The following CCDC172 variants were observed in gnomAD, a reference collection of about 807,000 sequenced individuals.
CCDC172 encodes the protein coiled-coil domain containing 172.
In CCDC172, 30 loss-of-function variants were observed where a neutral mutation model predicts 38.0. The ratio of observed to expected loss-of-function variants is 0.79; its 90% CI spans 0.59 to 1.07. The LOEUF (loss-of-function observed/expected upper bound fraction) is 1.07. Ranked by LOEUF, CCDC172 falls within the 50% of genes least tolerant of loss-of-function variation. The pLI, the probability that CCDC172 is intolerant of heterozygous loss-of-function variation, is 0.00. For missense variants in CCDC172, 297 were observed against 290.1 expected (o/e 1.02, Z -0.17); for synonymous variants, 78 against 88.3 (o/e 0.88, Z 0.66).
intron 7 of CCDC172, among the ~76,000 whole-genome samples, chr10:116,366,037 G>A (rs944679807): frequency 6.6e-6 from 1 of 152,102 alleles, no homozygotes; most frequent in South Asian, 2.1e-4. Flanking sequence ...GTTGTTAAAC[G>A]ATGTATGACT....
At chr10:116,343,531 TTA>T (rs1491258280) in intron 5 of CCDC172, among the ~76,000 whole-genome samples, 5 of 104,598 alleles carry the variant, frequency 4.8e-5, no homozygotes, top group East Asian at 5.3e-4. Context: ...TTTTTTTTTT[TTA>T]AAAAAATATA....
chr10:116,347,470 A>G (rs1188002769), intron 5 of CCDC172, among the ~76,000 whole-genome samples: 2 of 152,154 alleles, frequency 1.3e-5, no homozygotes, highest in Non-Finnish European at 2.9e-5. Context: ...CAGAAATGGG[A>G]TATCTATTAA....
intron 7 of CCDC172, 103 bp downstream of exon 7, chr10:116,358,041 G>A: frequency 1.5e-6 from 1 of 651,938 alleles, no homozygotes; most frequent in South Asian, 1.8e-5. Flanking sequence ...TGAAGTTCCA[G>A]ATGAGGACAT....
At chr10:116,351,716 G>T (rs1392452754) in intron 5 of CCDC172, among the ~76,000 whole-genome samples, 3 of 152,204 alleles carry the variant, frequency 2.0e-5, no homozygotes, top group African/African-American at 7.2e-5. Flanking sequence ...TTGAGGACAA[G>T]AGAGTACAGG....
intron 5 of CCDC172, among the ~76,000 whole-genome samples, chr10:116,348,954 G>T (rs113197431): frequency 6.6e-6 from 1 of 152,060 alleles, no homozygotes; most frequent in African/African-American, 2.4e-5. Flanking sequence ...GGTGAGTGGC[G>T]GGTGAGTGAG....
At chr10:116,357,344 G>A in intron 5 of CCDC172, 36 bp from the exon 6 acceptor site, 3 of 1,338,724 alleles carry the variant, frequency 2.2e-6, no homozygotes, top group Non-Finnish European at 3.1e-6. Context: ...TTATTTCTAA[G>A]TATTTTATTT....
intron 3 of CCDC172, among the ~76,000 whole-genome samples, chr10:116,328,825 C>T (rs1233306675): frequency 1.3e-5 from 2 of 152,022 alleles, no homozygotes; most frequent in African/African-American, 4.8e-5. Flanking sequence ...TCCTTTAGTA[C>T]TGTATTACCT....
chr10:116,342,330 A>C (rs1844806347), intron 5 of CCDC172, 129 bp downstream of exon 5: 1 of 668,558 alleles, frequency 1.5e-6, no homozygotes, highest in Non-Finnish European at 2.4e-6. Flanking sequence ...TTTTACTTTT[A>C]TTGATTTAAT....
rs1218147655 is a variant in CCDC172 at position 116,379,376 on chromosome 10, A to G, written c.*18A>G. 1.3e-6 allele frequency: 2 copies of G among 1,554,566 alleles called. No homozygotes were observed. The highest frequency in any genetic ancestry group is 8.7e-7 in the Non-Finnish European group (1 of 1,144,154). Reference sequence around the variant, plus strand: ...GCAAATAACTTACAGAGAATTGATCAGCCATCTGAGATTTGATCAGAATAT... The same window carrying G: ...GCAAATAACTTACAGAGAATTGATCGGCCATCTGAGATTTGATCAGAATAT... On this transcript the variant is annotated 3_prime_UTR_variant, in exon 9 of 9. Coordinates refer to ENST00000333254, the MANE Select transcript of CCDC172 (RefSeq NM_198515.3).
intron 7 of CCDC172, among the ~76,000 whole-genome samples, chr10:116,364,836 G>C (rs780500924): frequency 6.6e-6 from 1 of 152,170 alleles, no homozygotes; most frequent in Non-Finnish European, 1.5e-5. Flanking sequence ...ACTTTAAATA[G>C]TAGTGTGTAC....
At chr10:116,375,618 C>A (rs1008314508) in intron 7 of CCDC172, among the ~76,000 whole-genome samples, 8 of 151,954 alleles carry the variant, frequency 5.3e-5, no homozygotes, top group African/African-American at 1.9e-4. Context: ...CTGCAAAGAA[C>A]ATGAACTCAT....
chr10:116,351,211 A>G (rs1350760195), intron 5 of CCDC172, among the ~76,000 whole-genome samples: 6 of 152,114 alleles, frequency 3.9e-5, no homozygotes, highest in East Asian at 1.9e-4. Context: ...AAAATATTGT[A>G]TCTTTTTTAA....
At chr10:116,325,115 TG>T in intron 2 of CCDC172, 25 bp downstream of exon 2, 1 of 1,609,410 alleles carries the variant, frequency 6.2e-7, no homozygotes, top group Non-Finnish European at 8.5e-7. Context: ...GTCCTTTGCA[TG>T]GGGCCTTTTG....
In CCDC172 at chr10:116,327,843, G is replaced by A. The variant is rs1844610004; in HGVS notation, c.165+2455G>A. ...TTATAATGCATATGACTAATGGGAA[G>A]AACTGAAGAACTAATCCTAAATTGA... On this transcript the variant is annotated intron_variant, in intron 3 of 8. Transcript: ENST00000333254. Among the ~76,000 whole-genome samples, 3 of 152,088 alleles carry A rather than the reference G, an allele frequency of 2.0e-5. No homozygotes were observed. In the South Asian group the frequency reaches 6.2e-4, roughly 31 times the overall value.
At chr10:116,368,762 G>C (rs1365409518) in intron 7 of CCDC172, among the ~76,000 whole-genome samples, 1 of 151,870 alleles carries the variant, frequency 6.6e-6, no homozygotes, top group Non-Finnish European at 1.5e-5. Flanking sequence ...GGATGTCATT[G>C]CTTCTAAGCA....
At chr10:116,333,154 T>C (rs532444488) in intron 3 of CCDC172, among the ~76,000 whole-genome samples, 83 of 152,308 alleles carry the variant, frequency 5.4e-4, no homozygotes, top group Non-Finnish European at 9.3e-4. Context: ...TGTAATCTTT[T>C]GGATAATTCT....
At chr10:116,357,978 T>C (rs770354203) in intron 7 of CCDC172, 40 bp downstream of exon 7, 3 of 1,067,184 alleles carry the variant, frequency 2.8e-6, no homozygotes. Context: ...AATCAGGTAA[T>C]TTTTCAAGTT....
chr10:116,343,821 G>A (rs1489223589), intron 5 of CCDC172, among the ~76,000 whole-genome samples: 4 of 152,008 alleles, frequency 2.6e-5, no homozygotes, highest in Admixed American at 6.6e-5. Flanking sequence ...AAACTTCTTG[G>A]CCCTATACTT....
chr10:116,329,342 T>C (rs1254394142), intron 3 of CCDC172, among the ~76,000 whole-genome samples: 1 of 136,008 alleles, frequency 7.4e-6, no homozygotes, highest in Non-Finnish European at 1.6e-5. Flanking sequence ...TAATGGGCTG[T>C]TTTTTCTTGG....
Sources: gnomAD v4.1 joint callset for allele counts (sites outside exome capture counted in the v4.1 genomes callset) on GRCh38, gnomAD v4.1.1 for gene constraint, MANE v1.5 for transcripts, NCBI Gene and HGNC (gene_info 2026-07-23, HGNC 2026-07-21) for gene names.